Variants in WHRN observed in about 807,000 individuals in gnomAD.
WHRN encodes the protein whirlin, also known as CASK-interacting protein CIP98.
In WHRN, 41 loss-of-function variants were observed where a neutral mutation model predicts 68.3. That is an observed-to-expected ratio of 0.60 (90% CI 0.47 to 0.78). WHRN has a LOEUF of 0.78. WHRN is among the 30% of genes least tolerant of loss of function. WHRN has a pLI of 0.00. For synonymous variants in WHRN, 560 were observed against 561.3 expected (o/e 1.00, Z 0.03); for missense variants, 1,243 against 1,244.7 (o/e 1.00, Z 0.02).
chr9:114,488,702 T>C (rs1016795671), intron 1 of WHRN, among the ~76,000 whole-genome samples: 2 of 152,182 alleles, frequency 1.3e-5, no homozygotes, highest in Non-Finnish European at 2.9e-5. Flanking sequence ...CAGAAATTGG[T>C]GATGCGGACT....
At chr9:114,439,162 A>G (rs1040351699) in intron 3 of WHRN, among the ~76,000 whole-genome samples, 5 of 152,212 alleles carry the variant, frequency 3.3e-5, no homozygotes, top group Non-Finnish European at 5.9e-5. Flanking sequence ...TAGAAGGGAC[A>G]TGGGGAGTCG....
At position 114,504,954 on chromosome 9, in the gene WHRN, T is replaced by G; in HGVS notation, c.-153A>C. 8.6e-7 allele frequency: 1 copy of G among 1,156,550 alleles called. No homozygotes were observed. The highest frequency in any genetic ancestry group is 1.1e-6 in the Non-Finnish European group (1 of 901,630). 71.6% of individuals were successfully genotyped at this position (1,156,550 alleles called of 1,614,324 possible). The stretch of plus-strand genomic sequence containing the variant: ...GAGCACGGGTACAGTGGCTGGATCC[T>G]AGGGGGTCGCGGAGACCGCTGCTAG... On this transcript the variant is annotated 5_prime_UTR_variant, in exon 1 of 12. Coordinates refer to ENST00000362057, the MANE Select transcript of WHRN (RefSeq NM_015404.4).
intron 3 of WHRN, among the ~76,000 whole-genome samples, chr9:114,446,778 C>A (rs1838854140): frequency 6.6e-6 from 1 of 152,142 alleles, no homozygotes; most frequent in African/African-American, 2.4e-5. Flanking sequence ...TAACTCATAG[C>A]TCCTTGACTT....
chr9:114,488,468 T>C (rs1399477238), intron 1 of WHRN, among the ~76,000 whole-genome samples: 3 of 152,118 alleles, frequency 2.0e-5, no homozygotes, highest in African/African-American at 4.8e-5. Context: ...CTTCTCTCCA[T>C]TGCCCTCTCA....
chr9:114,427,455 G>A (rs1477176543), intron 3 of WHRN, among the ~76,000 whole-genome samples: 1 of 152,208 alleles, frequency 6.6e-6, no homozygotes, highest in Non-Finnish European at 1.5e-5. Flanking sequence ...GGAAAGGGCT[G>A]CCCAGGGTCA....
intron 1 of WHRN, among the ~76,000 whole-genome samples, chr9:114,485,449 G>A (rs2133218491): frequency 6.6e-6 from 1 of 152,338 alleles, no homozygotes; most frequent in South Asian, 2.1e-4. Flanking sequence ...CCAGCACTTT[G>A]GGAGGCCGAG....
chr9:114,403,175 A>T, intron 11 of WHRN, 42 bp downstream of exon 11: 1 of 1,612,536 alleles, frequency 6.2e-7, no homozygotes, highest in Non-Finnish European at 8.5e-7. Context: ...AGGGCCTTTC[A>T]GGGGTAGGGA....
Position 114,504,224 on chromosome 9 carries a change from T to C in WHRN, c.578A>G (p.Asp193Gly), listed in dbSNP as rs751646203. 2 of 1,614,176 alleles carry C rather than the reference T, an allele frequency of 1.2e-6. No individual in the cohort carries two copies. The highest frequency in any genetic ancestry group is 1.7e-6 in the Non-Finnish European group (2 of 1,180,036). ...RVGDQILRVN[D>G]KSLARVTHAE... ...GTGGGTCACCCGGGCCAGGGATTTG[T>C]CGTTGACGCGCAGAATCTGGTCCCC... Residue 193 changes from aspartate to glycine, a missense_variant, in exon 1 of 12, where the codon GAC becomes GGC. Transcript: ENST00000362057.
At chr9:114,429,971 C>G (rs1232325736) in intron 3 of WHRN, among the ~76,000 whole-genome samples, 2 of 152,250 alleles carry the variant, frequency 1.3e-5, no homozygotes, top group Non-Finnish European at 2.9e-5. Flanking sequence ...CTGCTCTGAG[C>G]TGGAGCTGGC....
chr9:114,414,319 C>T (rs1350543974), intron 7 of WHRN, among the ~76,000 whole-genome samples: 2 of 152,174 alleles, frequency 1.3e-5, no homozygotes. Context: ...GCATGTTTTA[C>T]GTTGTGTTTT....
Position 114,504,404 on chromosome 9 carries a change from G to T in WHRN, c.398C>A (p.Ala133Glu), listed in dbSNP as rs757016407. The T allele has an allele frequency of 1.2e-6, 2 of 1,605,288 alleles. No individual in the cohort carries two copies. Among genetic ancestry groups the T allele is most frequent in the African/African-American group, 2.7e-5 (2 of 74,916 alleles). The change falls in exon 1 of 12, where the codon GCG becomes GAG. Residue 133 changes from alanine (A) to glutamate (E), a missense_variant. Ala to Glu is a moderately radical substitution (Grantham distance 107, BLOSUM62 -1). Transcript: ENST00000362057. ...RQPAWGGPDS[A>E]GPGEVRLVSL... ...CACCAGGCGCACCTCCCCTGGCCCC[G>T]CGCTGTCGGGGCCGCCCCAGGCGGG...
At chr9:114,450,691 T>G (rs1317435071) in intron 3 of WHRN, among the ~76,000 whole-genome samples, 1 of 152,140 alleles carries the variant, frequency 6.6e-6, no homozygotes, top group Non-Finnish European at 1.5e-5. Flanking sequence ...GCTTTACAAA[T>G]GAGGAAACCG....
chr9:114,475,266 T>A (rs1841556656), intron 2 of WHRN, among the ~76,000 whole-genome samples: 1 of 152,058 alleles, frequency 6.6e-6, no homozygotes, highest in African/African-American at 2.4e-5. Flanking sequence ...CCGCCCCCCA[T>A]GACAAATTGA....
intron 1 of WHRN, among the ~76,000 whole-genome samples, chr9:114,479,252 A>G (rs985425768): frequency 7.9e-5 from 12 of 152,212 alleles, no homozygotes; most frequent in Non-Finnish European, 1.5e-4. Flanking sequence ...CCAGCCCCCA[A>G]TAAAAACTGT....
intron 2 of WHRN, among the ~76,000 whole-genome samples, chr9:114,474,863 C>T (rs1440866418): frequency 1.3e-5 from 2 of 152,132 alleles, no homozygotes; most frequent in African/African-American, 4.8e-5. Flanking sequence ...TGGACACCGC[C>T]ACGTCCCTGC....
intron 7 of WHRN, among the ~76,000 whole-genome samples, chr9:114,422,725 C>T (rs562945566): frequency 5.9e-4 from 89 of 151,994 alleles, no homozygotes; most frequent in South Asian, 1.5e-3. Flanking sequence ...ATCCCAGCTA[C>T]TCAAGAGGCT....
intron 1 of WHRN, among the ~76,000 whole-genome samples, chr9:114,480,481 A>AAGAC (rs1842014760): frequency 6.6e-6 from 1 of 151,218 alleles, no homozygotes. Flanking sequence ...GCTTTGTAGG[A>AAGAC]AGAGAGAGTT....
Position 114,478,739 on chromosome 9 carries a change from A to G in WHRN, c.651T>C (p.Ser217=). The change falls in exon 2 of 12, where the codon TCT becomes TCC. Residue 217 remains serine, a synonymous_variant. Coordinates refer to ENST00000362057, the MANE Select transcript of WHRN (RefSeq NM_015404.4). Reference sequence around the variant, plus strand: ...CAGGGATGCGCCCTGCTGAGTACACAGACAGCACCAGCTTCTTGGAGCCCT... The same window carrying G: ...CAGGGATGCGCCCTGCTGAGTACACGGACAGCACCAGCTTCTTGGAGCCCT... ...ALKGSKKLVL[S]VYSAGRIPGG... is the part of the protein sequence containing the mutation. The G allele has an allele frequency of 6.2e-7, 1 of 1,612,568 alleles. No individual in the cohort carries two copies. The highest frequency in any genetic ancestry group is 8.5e-7 in the Non-Finnish European group (1 of 1,179,978).
chr9:114,489,528 ACACACAC>A (rs1454989121), intron 1 of WHRN, among the ~76,000 whole-genome samples: 1 of 151,848 alleles, frequency 6.6e-6, no homozygotes, highest in Admixed American at 6.6e-5. Flanking sequence ...ACACACACAC[ACACACAC>A]ACTTTCCAAG....
Sources: allele counts gnomAD v4.1 joint callset (sites outside exome capture counted in the v4.1 genomes callset), GRCh38; gene constraint gnomAD v4.1.1; transcripts MANE v1.5; gene names NCBI Gene and HGNC (gene_info 2026-07-23, HGNC 2026-07-21).